DYRK1A: variants seen among roughly 807,000 people sequenced by gnomAD.
DYRK1A encodes the protein dual specificity tyrosine-phosphorylation-regulated kinase 1A.
DYRK1A carries 9 observed loss-of-function variants against 79.7 expected under a neutral mutation model. The ratio of observed to expected loss-of-function variants is 0.11; its 90% CI spans 0.07 to 0.20. The LOEUF is 0.20. DYRK1A is among the 10% of genes least tolerant of loss of function. The pLI, the probability that DYRK1A is intolerant of heterozygous loss-of-function variation, is 1.00. For synonymous variants in DYRK1A, 349 were observed against 329.7 expected (o/e 1.06, Z -0.63); for missense variants, 622 against 956.0 (o/e 0.65, Z 4.61).
chr21:37,505,252 T>C (rs2053559201), intron 9 of DYRK1A, 31 bp from the exon 10 acceptor site: 1 of 1,540,876 alleles, frequency 6.5e-7, no homozygotes, highest in Non-Finnish European at 8.8e-7. Flanking sequence ...CCACCAAATT[T>C]AGAGAAAGCC....
intron 1 of DYRK1A, among the ~76,000 whole-genome samples, chr21:37,402,063 G>T (rs568427072): frequency 6.6e-6 from 1 of 152,168 alleles, no homozygotes; most frequent in Non-Finnish European, 1.5e-5. Context: ...ATCCCTTTGT[G>T]CAATTGCTGC....
chr21:37,411,634 G>A (rs2050247056), intron 1 of DYRK1A, among the ~76,000 whole-genome samples: 1 of 152,142 alleles, frequency 6.6e-6, no homozygotes, highest in African/African-American at 2.4e-5. Context: ...TACTGACATG[G>A]TAGTGTGCCA....
At chr21:37,429,669 C>T (rs1475546887) in intron 2 of DYRK1A, among the ~76,000 whole-genome samples, 4 of 152,324 alleles carry the variant, frequency 2.6e-5, no homozygotes, top group Middle Eastern at 3.4e-3. Flanking sequence ...TACAGCTTGA[C>T]GTGAGATTTG....
In DYRK1A at chr21:37,406,735, A is replaced by ATC. The variant is rs1602420395; in HGVS notation, c.-76-13560_-76-13559dup. 4.4e-5 allele frequency among the ~76,000 whole-genome samples: 3 copies of ATC among 68,024 alleles called. No individual in the cohort carries two copies. In the East Asian group the frequency reaches 1.0e-3, roughly 23 times the overall value. 44.6% of individuals were successfully genotyped at this position (68,024 alleles called of 152,430 possible). On this transcript the variant is annotated intron_variant, in intron 1 of 11. Coordinates refer to ENST00000647188, the MANE Select transcript of DYRK1A (RefSeq NM_001347721.2). Reference sequence around the variant, plus strand: ...GAAAAAAAAAATTATATCTATGTATATCTCTATATATCTCTATATATCTAT... The same window carrying ATC: ...GAAAAAAAAAATTATATCTATGTATATCTCTCTATATATCTCTATATATCTAT...
chr21:37,497,602 C>T (rs140174850), intron 9 of DYRK1A, among the ~76,000 whole-genome samples: 1,544 of 152,320 alleles, frequency 0.01, 23 homozygotes, highest in African/African-American at 0.034. Flanking sequence ...CTCTGTGATA[C>T]AGGCTGCTGC....
chr21:37,369,972 G>T (rs184088919), intron 1 of DYRK1A, among the ~76,000 whole-genome samples: 4 of 152,220 alleles, frequency 2.6e-5, no homozygotes, highest in Admixed American at 2.6e-4. Context: ...GTCTTGTTAG[G>T]GAATGTGGAC....
chr21:37,472,827 C>G lies in DYRK1A; in HGVS notation c.154C>G (p.Gln52Glu), dbSNP rs1555977083. 1.9e-6 allele frequency: 3 copies of G among 1,608,600 alleles called. No homozygotes were observed. The highest frequency in any genetic ancestry group is 1.6e-4 in the Middle Eastern group (1 of 6,062). The change falls in exon 3 of 12, where the codon CAG (glutamine) becomes GAG (glutamate). Residue 52 changes from glutamine to glutamate, a missense_variant. This residue lies in a region of DYRK1A where 91 missense variants were observed against 113.8 expected (regional missense o/e 0.80). Coordinates refer to ENST00000647188, the MANE Select transcript of DYRK1A (RefSeq NM_001347721.2). Reference protein sequence around the residue: ...DRRQPNISDQQVSALSYSDQI... With the variant: ...DRRQPNISDQEVSALSYSDQI... ...TCGCCAGCCAAACATAAGTGACCAA[C>G]AGGTTTCTGCCTTATCATATTCTGA...
chr21:37,434,328 C>T (rs746145839), intron 2 of DYRK1A, among the ~76,000 whole-genome samples: 2 of 152,106 alleles, frequency 1.3e-5, no homozygotes, highest in Non-Finnish European at 2.9e-5. Context: ...GAGATAATTG[C>T]TAGGCTAGGT....
At chr21:37,459,915 A>AT (rs1555972793) in intron 2 of DYRK1A, among the ~76,000 whole-genome samples, 1 of 152,212 alleles carries the variant, frequency 6.6e-6, no homozygotes, top group Non-Finnish European at 1.5e-5. Context: ...GCAAATTAAA[A>AT]ATATATATAT....
At chr21:37,374,520 C>T (rs1456375331) in intron 1 of DYRK1A, among the ~76,000 whole-genome samples, 4 of 151,812 alleles carry the variant, frequency 2.6e-5, no homozygotes, top group East Asian at 1.9e-4. Context: ...TCAGATGCCT[C>T]TCTTTCTGTA....
chr21:37,405,278 T>C (rs1305597121), intron 1 of DYRK1A, among the ~76,000 whole-genome samples: 2 of 152,182 alleles, frequency 1.3e-5, no homozygotes, highest in Non-Finnish European at 2.9e-5. Context: ...GGGGCTGCCA[T>C]TCATAAAGCA....
intron 1 of DYRK1A, among the ~76,000 whole-genome samples, chr21:37,401,134 A>G (rs760854949): frequency 3.3e-5 from 5 of 152,016 alleles, no homozygotes; most frequent in Non-Finnish European, 7.4e-5. Context: ...ACAGAACGAG[A>G]TTCTGTCTCA....
chr21:37,486,241 T>C (rs567612731), intron 5 of DYRK1A: 1 of 307,672 alleles, frequency 3.3e-6, no homozygotes, highest in East Asian at 5.2e-5. Flanking sequence ...ATTGTACAAA[T>C]GCAAAAAGAA....
chr21:37,450,029 G>A (rs994744496), intron 2 of DYRK1A, among the ~76,000 whole-genome samples: 2 of 152,164 alleles, frequency 1.3e-5, no homozygotes, highest in Admixed American at 6.5e-5. Context: ...GTCTGCTTCG[G>A]ATCCCACACC....
At chr21:37,478,364 C>A in intron 4 of DYRK1A, 64 bp downstream of exon 4, 1 of 1,472,142 alleles carries the variant, frequency 6.8e-7, no homozygotes. Context: ...AAAAGTGTGA[C>A]CTATTTACCC....
chr21:37,366,635 G>A (rs1193704243), upstream of DYRK1A, among the ~76,000 whole-genome samples: 1 of 151,770 alleles, frequency 6.6e-6, no homozygotes, highest in Non-Finnish European at 1.5e-5. Flanking sequence ...GGGGACAGAG[G>A]GGGAGACGGA....
chr21:37,432,701 A>G (rs139611059), intron 2 of DYRK1A, among the ~76,000 whole-genome samples: 1 of 152,316 alleles, frequency 6.6e-6, no homozygotes, highest in African/African-American at 2.4e-5. Flanking sequence ...AATGGCTATT[A>G]CACATTGAGA....
intron 5 of DYRK1A, among the ~76,000 whole-genome samples, chr21:37,484,555 C>T (rs1357115079): frequency 6.6e-6 from 1 of 152,082 alleles, no homozygotes; most frequent in East Asian, 1.9e-4. Flanking sequence ...TCTCGAGCTC[C>T]TGACCTCAGG....
chr21:37,501,147 G>GT (rs1037413771), intron 9 of DYRK1A, among the ~76,000 whole-genome samples: 108 of 81,630 alleles, frequency 1.3e-3, no homozygotes, highest in African/African-American at 3.2e-3. Flanking sequence ...CTTTTTATAT[G>GT]TTTTTTTTGT....
Sources: allele counts gnomAD v4.1 joint callset (sites outside exome capture counted in the v4.1 genomes callset), GRCh38; gene constraint gnomAD v4.1.1; regional missense constraint gnomAD v4.1.1; transcripts MANE v1.5; gene names NCBI Gene and HGNC (gene_info 2026-07-23, HGNC 2026-07-21).